Variants in DDR2 observed in about 807,000 individuals in gnomAD.
DDR2 encodes the protein discoidin domain receptor tyrosine kinase 2.
Under a neutral mutation model 94.9 loss-of-function variants are expected in DDR2, and 27 were observed. That is an observed-to-expected ratio of 0.28 (90% CI 0.21 to 0.39). DDR2 has a LOEUF of 0.39. Among genes scored for constraint, DDR2 ranks in the 10% least tolerant of loss-of-function variants. DDR2 has a pLI of 1.00. For missense variants in DDR2, 783 were observed against 1,076.0 expected, an observed-to-expected ratio of 0.73 and a Z score of 3.81; for synonymous variants, 382 against 377.2, an observed-to-expected ratio of 1.01 and a Z score of -0.15.
chr1:162,755,208 C>T lies in DDR2; in HGVS notation c.470C>T (p.Pro157Leu), dbSNP rs760839128. The T allele has an allele frequency of 2.7e-5, 44 of 1,614,052 alleles. No homozygotes were observed. The highest frequency in any genetic ancestry group is 8.8e-5 in the South Asian group (8 of 91,072). ...PYDIFLKDLE[P>L]PIVARFVRFI... ...GACATTTTCCTAAAGGACTTGGAGC[C>T]GCCCATTGTAGCCAGATTTGTCCGG... The change falls in exon 6 of 18, where the codon CCG becomes CTG. Residue 157 changes from proline to leucine, a missense_variant. Around this residue, in one of 2 missense-constraint regions of DDR2, gnomAD observed 519 missense variants for 647.9 expected, o/e 0.80. Coordinates refer to ENST00000367921, the MANE Select transcript of DDR2 (RefSeq NM_006182.4).
chr1:162,645,526 G>A (rs1374130863), intron 1 of DDR2, among the ~76,000 whole-genome samples: 4 of 152,186 alleles, frequency 2.6e-5, no homozygotes, highest in Non-Finnish European at 5.9e-5. Context: ...GATAGATAAT[G>A]TGGTTTTGTT....
intron 1 of DDR2, among the ~76,000 whole-genome samples, chr1:162,647,253 C>A (rs530049203): frequency 6.6e-6 from 1 of 152,158 alleles, no homozygotes; most frequent in African/African-American, 2.4e-5. Context: ...TCTTCCCCTG[C>A]GTTTCTAAAA....
In DDR2 at chr1:162,784,359, C is replaced by T. The variant is rs1648063130; in HGVS notation, c.*4113C>T. ...GGCTACTAAGTCTTTGATCATAAGT[C>T]GAATTTATAGACCTGGAATTTGCCA... On this transcript the variant is annotated 3_prime_UTR_variant, in exon 18 of 18. Transcript: ENST00000367921. 6.5e-6 allele frequency: 1 copy of T among 154,140 alleles called. No individual in the cohort carries two copies. The highest frequency in any genetic ancestry group is 2.4e-5 in the African/African-American group (1 of 41,434). 9.5% of individuals were successfully genotyped at this position (154,140 alleles called of 1,614,324 possible). A position where few individuals can be genotyped will look rare whatever the true frequency, so the allele number is the denominator to read the frequency against.
intron 10 of DDR2, 89 bp from the exon 11 acceptor site, chr1:162,767,140 G>A (rs1664036041): frequency 3.2e-6 from 5 of 1,584,562 alleles, no homozygotes; most frequent in Middle Eastern, 1.8e-4. Context: ...AAGGAACAGG[G>A]TCTACCTCCA....
chr1:162,773,038 A>T (rs1647310653), intron 13 of DDR2, among the ~76,000 whole-genome samples: 1 of 152,202 alleles, frequency 6.6e-6, no homozygotes, highest in Non-Finnish European at 1.5e-5. Context: ...CACATCTGTT[A>T]TACTGTTACT....
intron 2 of DDR2, among the ~76,000 whole-genome samples, chr1:162,683,492 C>T (rs1160953361): frequency 6.6e-6 from 1 of 152,090 alleles, no homozygotes; most frequent in African/African-American, 2.4e-5. Flanking sequence ...AGGATACAGG[C>T]TCAACAAGCT....
At chr1:162,632,660 T>G (rs1316746407) in intron 1 of DDR2, 29 bp downstream of exon 1, 1 of 152,238 alleles carries the variant, frequency 6.6e-6, no homozygotes, top group Admixed American at 6.5e-5. Context: ...TTTTCTTTAT[T>G]ATTTTTTCTT....
intron 2 of DDR2, among the ~76,000 whole-genome samples, chr1:162,714,717 C>T (rs181590324): frequency 2.0e-5 from 3 of 152,256 alleles, no homozygotes; most frequent in Admixed American, 6.5e-5. Flanking sequence ...TAAAATTCTT[C>T]TTCATTTACT....
intron 2 of DDR2, among the ~76,000 whole-genome samples, chr1:162,685,905 T>G (rs1032505664): frequency 6.6e-6 from 1 of 152,192 alleles, no homozygotes; most frequent in Admixed American, 6.5e-5. Flanking sequence ...GGGCTGAGAT[T>G]CATAATCCAG....
At chr1:162,658,515 G>A (rs1383524461) in intron 2 of DDR2, among the ~76,000 whole-genome samples, 1 of 152,052 alleles carries the variant, frequency 6.6e-6, no homozygotes, top group Non-Finnish European at 1.5e-5. Flanking sequence ...GAGAGAGAGA[G>A]AGCCTAGCAG....
chr1:162,776,225 C>G lies in DDR2; in HGVS notation c.2138C>G (p.Thr713Arg), dbSNP rs121964865. ...AATTTTGTTCACCGAGATCTGGCCA[C>G]ACGAAACTGTTTAGTGGGTAAGAAC... ...SLNFVHRDLA[T>R]RNCLVGKNYT... Residue 713 changes from threonine (T) to arginine (R), a missense_variant, in exon 16 of 18, where the codon ACA (threonine) becomes AGA (arginine). Thr to Arg is a moderately conservative substitution (Grantham distance 71). Coordinates refer to ENST00000367921, the MANE Select transcript of DDR2 (RefSeq NM_006182.4). The G allele has an allele frequency of 6.2e-7, 1 of 1,613,962 alleles. No individual in the cohort carries two copies. Among genetic ancestry groups the G allele is most frequent in the Non-Finnish European group, 8.5e-7 (1 of 1,179,956 alleles).
intron 3 of DDR2, among the ~76,000 whole-genome samples, chr1:162,741,263 G>GTAATGTAATGTAATATAATA (rs1318503829): frequency 7.2e-5 from 9 of 125,320 alleles, no homozygotes; most frequent in Non-Finnish European, 1.3e-4. Flanking sequence ...GTAATGTAAT[G>GTAATGTAATGTAATATAATA]TAATATAATA....
chr1:162,736,463 T>C (rs953890671), intron 3 of DDR2, among the ~76,000 whole-genome samples: 1 of 152,240 alleles, frequency 6.6e-6, no homozygotes, highest in Non-Finnish European at 1.5e-5. Context: ...TAAGATGAGT[T>C]AGTATTTACT....
chr1:162,710,632 AG>A (rs1660862360), intron 2 of DDR2, among the ~76,000 whole-genome samples: 2 of 152,178 alleles, frequency 1.3e-5, no homozygotes, highest in South Asian at 4.1e-4. Context: ...CTCAGCAGAG[AG>A]GAAAAACAAG....
intron 3 of DDR2, among the ~76,000 whole-genome samples, chr1:162,745,229 A>G (rs1662792563): frequency 6.6e-6 from 1 of 152,138 alleles, no homozygotes; most frequent in Non-Finnish European, 1.5e-5. Context: ...TATATCTTGG[A>G]TATTAACCTT....
chr1:162,771,969 A>C, intron 12 of DDR2, 55 bp from the exon 13 acceptor site: 7 of 1,536,330 alleles, frequency 4.6e-6, no homozygotes, highest in Non-Finnish European at 6.2e-6. Context: ...TCCTTCCTGA[A>C]GAGATCTCCA....
At chr1:162,702,852 C>G (rs935591429) in intron 2 of DDR2, among the ~76,000 whole-genome samples, 2 of 152,174 alleles carry the variant, frequency 1.3e-5, no homozygotes, top group African/African-American at 2.4e-5. Context: ...ACTCAGCTAG[C>G]TAACTCCCTT....
At chr1:162,713,523 G>A (rs1162809828) in intron 2 of DDR2, among the ~76,000 whole-genome samples, 1 of 152,116 alleles carries the variant, frequency 6.6e-6, no homozygotes, top group Non-Finnish European at 1.5e-5. Flanking sequence ...CTGTCAGCAT[G>A]GTGTTTAATC....
At chr1:162,667,279 A>G (rs1337412123) in intron 2 of DDR2, among the ~76,000 whole-genome samples, 1 of 152,158 alleles carries the variant, frequency 6.6e-6, no homozygotes, top group Non-Finnish European at 1.5e-5. Context: ...CTCTTTACTC[A>G]TAACCACCAC....
Sources: gnomAD v4.1 joint callset for allele counts (sites outside exome capture counted in the v4.1 genomes callset) on GRCh38, gnomAD v4.1.1 for gene constraint, gnomAD v4.1.1 regional missense constraint, MANE v1.5 for transcripts, NCBI Gene and HGNC (gene_info 2026-07-23, HGNC 2026-07-21) for gene names.